The following SETD9 variants were observed in gnomAD, a reference collection of about 807,000 sequenced individuals.
SETD9 encodes SET domain-containing protein 9.
SETD9 carries 37 observed loss-of-function variants against 36.4 expected under a neutral mutation model. The ratio of observed to expected loss-of-function variants is 1.02; its 90% CI spans 0.78 to 1.34. SETD9 has a LOEUF of 1.34. Ranked by LOEUF, SETD9 falls within the 40% of genes most tolerant of loss-of-function variation. The probability of loss-of-function intolerance (pLI) is 0.00; values close to 1 mark genes in which losing one functional copy is unlikely to be tolerated. For missense variants in SETD9, 323 were observed against 353.2 expected (o/e 0.91, Z 0.69); for synonymous variants, 128 against 132.9 (o/e 0.96, Z 0.26).
upstream of SETD9, chr5:56,909,357 G>T (rs1247757722): frequency 6.0e-6 from 2 of 332,688 alleles, no homozygotes; most frequent in Non-Finnish European, 1.1e-5. Context: ...CCCGCAACCA[G>T]GGCTAGCGCT....
At position 56,923,563 on chromosome 5, in the gene SETD9, G is replaced by A. The variant is rs537967837; in HGVS notation, c.813-1770G>A. The A allele has an allele frequency of 4.4e-5, 71 of 1,613,830 alleles. No individual in the cohort carries two copies. In the East Asian group the frequency reaches 5.8e-4, roughly 13 times the overall value. On this transcript the variant is annotated intron_variant, in intron 5 of 5. Coordinates refer to the SETD9 transcript ENST00000628593. ...AATTCACATCTGTGGGGTCGCAGAC[G>A]GTTGCTACACTGTTGGTCAAAGCTA... is the stretch of plus-strand genomic sequence containing the variant.
At chr5:56,909,475 G>A (rs1044680271), upstream of SETD9, 3 of 529,286 alleles carry the variant, frequency 5.7e-6, no homozygotes, top group South Asian at 5.1e-5. Context: ...GGTCAGGAAA[G>A]GGGAAGGACG....
intron 5 of SETD9, chr5:56,923,755 C>A (rs181583703): frequency 6.2e-7 from 1 of 1,614,136 alleles, no homozygotes; most frequent in African/African-American, 1.3e-5. Flanking sequence ...TAGGCTCAGG[C>A]CGGTTAGAAG....
At chr5:56,925,471 ATTGAAAT>A (rs1211829642) in exon 6 of SETD9, 4 of 297,062 alleles carry the variant, frequency 1.3e-5, no homozygotes, top group Non-Finnish European at 2.0e-5. Context: ...AGCAATGACG[ATTGAAAT>A]TTGAAATTTA....
downstream of SETD9, among the ~76,000 whole-genome samples, chr5:56,918,280 C>T (rs1749509682): frequency 6.6e-6 from 1 of 152,086 alleles, no homozygotes; most frequent in Non-Finnish European, 1.5e-5. Flanking sequence ...GCACTTAGTT[C>T]TCTCTGCCTG....
intron 5 of SETD9, chr5:56,923,570 A>G (rs1232396174): frequency 1.2e-6 from 2 of 1,613,360 alleles, no homozygotes; most frequent in Non-Finnish European, 1.7e-6. Flanking sequence ...GACGGTTGCT[A>G]CACTGTTGGT....
intron 5 of SETD9, 25 bp downstream of exon 5, chr5:56,914,991 A>G (rs1678563563): frequency 2.6e-6 from 4 of 1,531,342 alleles, no homozygotes; most frequent in Non-Finnish European, 3.6e-6. Context: ...AGAGCATTTC[A>G]TATCTTCTGC....
At chr5:56,922,121 C>T (rs1007622631), downstream of SETD9, 1 of 152,576 alleles carries the variant, frequency 6.6e-6, no homozygotes, top group Non-Finnish European at 1.5e-5. Flanking sequence ...ATCTAGAAGT[C>T]CCTCTAAATA....
downstream of SETD9, chr5:56,920,813 T>C (rs183239287): frequency 1.3e-5 from 2 of 152,546 alleles, no homozygotes; most frequent in Admixed American, 1.3e-4. Context: ...TTTACACTTA[T>C]ATACAAAAAT....
At chr5:56,922,472 A>G (rs1749716597) in intron 5 of SETD9, 1 of 152,752 alleles carries the variant, frequency 6.5e-6, no homozygotes, top group African/African-American at 2.4e-5. Flanking sequence ...ATTTGCACAC[A>G]GTTCCTTGTG....
downstream of SETD9, chr5:56,917,368 T>C (rs1749482067): frequency 4.2e-6 from 4 of 953,590 alleles, no homozygotes; most frequent in Non-Finnish European, 5.0e-6. Flanking sequence ...CTATGTATAA[T>C]GTAAAGATTG....
downstream of SETD9, among the ~76,000 whole-genome samples, chr5:56,927,000 T>C (rs1157540216): frequency 2.0e-5 from 3 of 152,198 alleles, no homozygotes; most frequent in African/African-American, 7.2e-5. Flanking sequence ...AAAGGCTGCA[T>C]ACTGTATAAT....
Position 56,913,782 on chromosome 5 carries a change from G to GA in SETD9, c.591-86dup, listed in dbSNP as rs1749280420. The GA allele has an allele frequency of 2.1e-5, 11 of 513,312 alleles. No individual in the cohort carries two copies. In the South Asian group the frequency reaches 3.6e-4, roughly 17 times the overall value. 31.8% of individuals were successfully genotyped at this position (513,312 alleles called of 1,614,324 possible). A position where few individuals can be genotyped will look rare whatever the true frequency, so the allele number is the denominator to read the frequency against. ...TAAAGTCTTTTTTTTTTTTTTTTAAGAAAAAATGCACTGGTGTAATTCTAG... is the reference window on the plus strand; with the variant it reads ...TAAAGTCTTTTTTTTTTTTTTTTAAGAAAAAAATGCACTGGTGTAATTCTAG... On this transcript the variant is annotated intron_variant, in intron 3 of 5. Coordinates refer to ENST00000285947, the MANE Select transcript of SETD9 (RefSeq NM_153706.4).
At chr5:56,923,764 A>C (rs781200388) in intron 5 of SETD9, 1 of 1,614,212 alleles carries the variant, frequency 6.2e-7, no homozygotes, top group Non-Finnish European at 8.5e-7. Context: ...GCCGGTTAGA[A>C]GTTAAGGCTG....
intron 1 of SETD9, 197 bp downstream of exon 1, chr5:56,909,940 G>C (rs1254233323): frequency 2.7e-6 from 3 of 1,121,324 alleles, no homozygotes; most frequent in Non-Finnish European, 3.6e-6. Flanking sequence ...ACGCGGGCCA[G>C]AGGCGGGCGG....
intron 3 of SETD9, 112 bp downstream of exon 3, chr5:56,913,246 G>A: frequency 1.6e-6 from 2 of 1,255,164 alleles, no homozygotes; most frequent in Non-Finnish European, 2.2e-6. Flanking sequence ...AAGAGATGGG[G>A]TCTTGCTATG....
intron 1 of SETD9, 38 bp from the exon 2 acceptor site, chr5:56,911,131 G>A (rs1749095618): frequency 1.3e-6 from 2 of 1,509,568 alleles, no homozygotes; most frequent in African/African-American, 2.8e-5. Flanking sequence ...GCTTTTATCA[G>A]TTGAAGGGTA....
downstream of SETD9, chr5:56,919,871 AAT>A (rs1443096518): frequency 3.3e-5 from 5 of 152,632 alleles, no homozygotes; most frequent in South Asian, 6.2e-4. Context: ...CAATAAAACT[AAT>A]AGTTTCCTCC....
At chr5:56,919,130 T>A (rs1397830214), downstream of SETD9, among the ~76,000 whole-genome samples, 2 of 122,594 alleles carry the variant, frequency 1.6e-5, no homozygotes, top group Non-Finnish European at 3.6e-5. Context: ...GGACTTCTTT[T>A]TTTTTTTTTT....
Sources: allele counts gnomAD v4.1 joint callset (sites outside exome capture counted in the v4.1 genomes callset), GRCh38; gene constraint gnomAD v4.1.1; transcripts MANE v1.5; gene names NCBI Gene and HGNC (gene_info 2026-07-23, HGNC 2026-07-21).